NELL1: variants seen among roughly 807,000 people sequenced by gnomAD.
The protein encoded by NELL1 is protein kinase C-binding protein NELL1.
NELL1 carries 76 observed loss-of-function variants against 107.4 expected under a neutral mutation model. The observed-to-expected ratio is 0.71, with a 90% confidence interval of 0.59 to 0.86. NELL1 has a LOEUF of 0.86. Among genes scored for constraint, NELL1 ranks in the 40% least tolerant of loss-of-function variants. The pLI is 0.00. For synonymous variants in NELL1, 353 were observed against 341.2 expected, an observed-to-expected ratio of 1.03 and a Z score of -0.38; for missense variants, 1,024 against 1,005.5, an observed-to-expected ratio of 1.02 and a Z score of -0.25.
intron 15 of NELL1, among the ~76,000 whole-genome samples, chr11:21,490,405 C>A (rs1590973346): frequency 6.9e-6 from 1 of 145,190 alleles, no homozygotes; most frequent in South Asian, 2.2e-4. Context: ...ATCGAAATAC[C>A]AATGTCATTT....
chr11:20,724,693 ATCT>A (rs541294388), intron 2 of NELL1, among the ~76,000 whole-genome samples: 79 of 152,196 alleles, frequency 5.2e-4, no homozygotes, highest in African/African-American at 1.7e-3. Context: ...ACTTTCCCAC[ATCT>A]TCTTTTTTTC....
At chr11:20,786,818 C>T (rs1317143974) in intron 3 of NELL1, among the ~76,000 whole-genome samples, 2 of 151,874 alleles carry the variant, frequency 1.3e-5, no homozygotes, top group South Asian at 4.2e-4. Context: ...ACCATCCTGG[C>T]TAACACGGTG....
At chr11:21,507,781 T>C (rs981576017) in intron 15 of NELL1, among the ~76,000 whole-genome samples, 1 of 142,650 alleles carries the variant, frequency 7.0e-6, no homozygotes, top group Non-Finnish European at 1.5e-5. Context: ...TTTTTTCTTT[T>C]CTTTTCTTTT....
intron 12 of NELL1, among the ~76,000 whole-genome samples, chr11:21,043,499 C>G: frequency 6.6e-6 from 1 of 152,006 alleles, no homozygotes; most frequent in East Asian, 1.9e-4. Context: ...TAAGGGTTCA[C>G]GTTATGAAAG....
At chr11:21,507,526 G>A (rs1036762370) in intron 15 of NELL1, among the ~76,000 whole-genome samples, 3 of 152,244 alleles carry the variant, frequency 2.0e-5, no homozygotes, top group Middle Eastern at 6.8e-3. Flanking sequence ...GATTCAAATA[G>A]ATACTTCAGT....
chr11:21,448,070 G>A (rs1180362605), intron 15 of NELL1, among the ~76,000 whole-genome samples: 1 of 152,122 alleles, frequency 6.6e-6, no homozygotes, highest in Non-Finnish European at 1.5e-5. Flanking sequence ...CCACTGCCAG[G>A]GAGTTGATGA....
intron 12 of NELL1, among the ~76,000 whole-genome samples, chr11:21,103,721 A>G (rs1010570229): frequency 2.4e-4 from 37 of 152,186 alleles, no homozygotes; most frequent in African/African-American, 8.9e-4. Context: ...GCAAAACAAG[A>G]GTAGCTAGCT....
chr11:20,789,209 C>T (rs1396121247), intron 3 of NELL1, among the ~76,000 whole-genome samples: 2 of 152,220 alleles, frequency 1.3e-5, no homozygotes, highest in African/African-American at 4.8e-5. Flanking sequence ...GCTCATGGTA[C>T]TGGCCTAGGT....
At chr11:21,047,480 C>T (rs1177387865) in intron 12 of NELL1, among the ~76,000 whole-genome samples, 1 of 152,058 alleles carries the variant, frequency 6.6e-6, no homozygotes, top group African/African-American at 2.4e-5. Context: ...ATGCTAATAG[C>T]TTTTCTAATG....
At chr11:21,113,397 G>T (rs1047071138) in intron 12 of NELL1, among the ~76,000 whole-genome samples, 192 bp from the exon 13 acceptor site, 1 of 151,928 alleles carries the variant, frequency 6.6e-6, no homozygotes, top group Non-Finnish European at 1.5e-5. Flanking sequence ...GCATCGTTCT[G>T]GAAACACTTT....
chr11:21,170,161 A>G, intron 13 of NELL1: 1 of 646,672 alleles, frequency 1.5e-6, no homozygotes, highest in Non-Finnish European at 2.8e-6. Flanking sequence ...CATGACTGGG[A>G]TGTGATCTAA....
chr11:21,185,196 C>T (rs1856907839), intron 13 of NELL1, among the ~76,000 whole-genome samples: 1 of 151,262 alleles, frequency 6.6e-6, no homozygotes, highest in Admixed American at 6.6e-5. Flanking sequence ...TTGATGTCTG[C>T]TACTAATGTT....
At chr11:20,678,108 G>A (rs755106846) in intron 2 of NELL1, 48 bp downstream of exon 2, 2 of 1,608,464 alleles carry the variant, frequency 1.2e-6, no homozygotes, top group South Asian at 2.2e-5. Context: ...GGGGAGGAGG[G>A]TCTGTCTGGG....
chr11:20,889,316 CA>C (rs1200704062), intron 5 of NELL1, among the ~76,000 whole-genome samples: 2 of 152,028 alleles, frequency 1.3e-5, no homozygotes, highest in East Asian at 3.9e-4. Flanking sequence ...AAGCAGAAGT[CA>C]AAAGACAGTA....
intron 3 of NELL1, among the ~76,000 whole-genome samples, chr11:20,826,834 A>G (rs749410127): frequency 1.3e-5 from 2 of 151,170 alleles, no homozygotes; most frequent in African/African-American, 4.8e-5. Context: ...TGCATGGAGG[A>G]GTGAGACAGA....
At chr11:21,128,455 A>G (rs2133753399) in intron 13 of NELL1, among the ~76,000 whole-genome samples, 1 of 152,246 alleles carries the variant, frequency 6.6e-6, no homozygotes, top group East Asian at 1.9e-4. Context: ...GATGTTAGAG[A>G]CATATAAGGC....
intron 2 of NELL1, among the ~76,000 whole-genome samples, chr11:20,720,202 G>GT (rs72275946): frequency 0.29 from 40,969 of 140,812 alleles, 6,434 homozygotes; most frequent in East Asian, 0.39. Context: ...GTTCATTCCT[G>GT]TTTTTTTTTT....
intron 12 of NELL1, among the ~76,000 whole-genome samples, chr11:20,966,306 T>G (rs969207645): frequency 1.3e-5 from 2 of 152,092 alleles, no homozygotes; most frequent in African/African-American, 4.8e-5. Context: ...CTGGCCTTTT[T>G]ATATGAGGGC....
At chr11:20,927,200 G>A (rs1850515658) in intron 7 of NELL1, 108 bp from the exon 8 acceptor site, 9 of 1,000,268 alleles carry the variant, frequency 9.0e-6, no homozygotes, top group Non-Finnish European at 1.3e-5. Flanking sequence ...GAACTGCTCT[G>A]AGCATTTTTT....
Sources: allele counts gnomAD v4.1 joint callset (sites outside exome capture counted in the v4.1 genomes callset), GRCh38; gene constraint gnomAD v4.1.1; transcripts MANE v1.5; gene names NCBI Gene and HGNC (gene_info 2026-07-23, HGNC 2026-07-21).